Variants in KIF13B observed in about 807,000 individuals in gnomAD.
KIF13B encodes kinesin-like protein KIF13B.
Under a neutral mutation model 222.0 loss-of-function variants are expected in KIF13B, and 127 were observed. The ratio of observed to expected loss-of-function variants is 0.57; its 90% CI spans 0.50 to 0.66. The LOEUF is 0.66. KIF13B is among the 30% of genes least tolerant of loss of function. KIF13B has a pLI of 0.00. For synonymous variants in KIF13B, 976 were observed against 919.0 expected, an observed-to-expected ratio of 1.06 and a Z score of -1.12; for missense variants, 2,173 against 2,379.0, an observed-to-expected ratio of 0.91 and a Z score of 1.80.
intron 1 of KIF13B, among the ~76,000 whole-genome samples, chr8:29,248,993 G>A (rs548975593): frequency 1.3e-5 from 2 of 152,192 alleles, no homozygotes; most frequent in Non-Finnish European, 1.5e-5. Flanking sequence ...TGGTTGAATT[G>A]TATGGGGCAT....
rs1813156463 is a variant in KIF13B, at chr8:29,191,006, T to C, written c.214A>G (p.Lys72Glu). The C allele has an allele frequency of 6.2e-7, 1 of 1,612,506 alleles. No individual in the cohort carries two copies. Among genetic ancestry groups the C allele is most frequent in the Admixed American group, 1.7e-5 (1 of 59,968 alleles). Reference protein sequence around the residue: ...FWSMDESVKEKYAGQDIVFKC... With the variant: ...FWSMDESVKEEYAGQDIVFKC... ...TGCTGGATTCTATTACCTGCATACT[T>C]TTCTTTGACAGATTCATCCATAGAC... Residue 72 changes from lysine (K) to glutamate (E), a missense_variant, in exon 4 of 40, where the codon AAG becomes GAG. Lys to Glu is a moderately conservative substitution (Grantham distance 56, BLOSUM62 1). This residue lies in a region of KIF13B where 1,480 missense variants were observed against 1,722.8 expected (regional missense o/e 0.86). Coordinates refer to ENST00000524189, the MANE Select transcript of KIF13B (RefSeq NM_015254.4).
At chr8:29,171,166 CTACCA>C (rs1812220212) in intron 10 of KIF13B, among the ~76,000 whole-genome samples, 1 of 152,182 alleles carries the variant, frequency 6.6e-6, no homozygotes, top group Admixed American at 6.5e-5. Context: ...TGAGCACTCA[CTACCA>C]GAAGTTACTT....
chr8:29,128,357 C>T (rs1406702561), intron 24 of KIF13B, among the ~76,000 whole-genome samples: 1 of 152,178 alleles, frequency 6.6e-6, no homozygotes, highest in East Asian at 1.9e-4. Context: ...GTCAATTACT[C>T]TTGCCCTCTT....
chr8:29,171,271 G>A (rs1812224147), intron 10 of KIF13B, among the ~76,000 whole-genome samples: 1 of 152,212 alleles, frequency 6.6e-6, no homozygotes, highest in Non-Finnish European at 1.5e-5. Flanking sequence ...CTCAGCGAAT[G>A]CGTAACCCTC....
chr8:29,136,795 G>GTATTTTT (rs1554603666), intron 21 of KIF13B, among the ~76,000 whole-genome samples: 1 of 116,840 alleles, frequency 8.6e-6, no homozygotes, highest in Non-Finnish European at 1.8e-5. Flanking sequence ...CCTGTAACAG[G>GTATTTTT]TTTTTTTTTT....
At chr8:29,241,503 G>A (rs952526854) in intron 2 of KIF13B, among the ~76,000 whole-genome samples, 1 of 152,184 alleles carries the variant, frequency 6.6e-6, no homozygotes, top group Admixed American at 6.5e-5. Flanking sequence ...ACTCTTGGGG[G>A]ATTCCCCAGA....
At chr8:29,240,579 C>T (rs938612925) in intron 2 of KIF13B, among the ~76,000 whole-genome samples, 4 of 152,148 alleles carry the variant, frequency 2.6e-5, no homozygotes, top group Non-Finnish European at 5.9e-5. Context: ...TAATTTTGCT[C>T]AAATTTTTCA....
chr8:29,231,059 T>C (rs1815263648), intron 2 of KIF13B, among the ~76,000 whole-genome samples: 1 of 152,070 alleles, frequency 6.6e-6, no homozygotes, highest in South Asian at 2.1e-4. Context: ...TTTTTTATTT[T>C]TGTAGAGACA....
rs759220461 is a variant in KIF13B, at chr8:29,177,495, G to T, written c.804C>A (p.Asp268Glu). 2 of 1,613,212 alleles carry T rather than the reference G, an allele frequency of 1.2e-6. No individual in the cohort carries two copies. The highest frequency in any genetic ancestry group is 2.2e-5 in the South Asian group (2 of 91,074). Residue 268 changes from aspartate to glutamate, a missense_variant, in exon 9 of 40, where the codon GAC becomes GAA. Asp to Glu is a conservative substitution (Grantham distance 45, BLOSUM62 2). This residue lies in a region of KIF13B where 1,480 missense variants were observed against 1,722.8 expected (regional missense o/e 0.86). Coordinates refer to ENST00000524189, the MANE Select transcript of KIF13B (RefSeq NM_015254.4). ...TAATGTTGCTCCCTTCCTTCAGCCT[G>T]TCCCCTGCAGCGCCTGTCTTCGTTG... is the stretch of plus-strand genomic sequence containing the variant. Reference protein sequence around the residue: ...ERATKTGAAGDRLKEGSNINK... With the variant: ...ERATKTGAAGERLKEGSNINK...
At chr8:29,199,088 TA>T (rs1318953828) in intron 2 of KIF13B, among the ~76,000 whole-genome samples, 10 of 151,838 alleles carry the variant, frequency 6.6e-5, no homozygotes, top group Non-Finnish European at 1.2e-4. Flanking sequence ...TAAAATTTTT[TA>T]AAAAATAGAA....
rs910506434 is a variant in KIF13B at position 29,226,414 on chromosome 8, G to A, written c.149+18932C>T. Among the ~76,000 whole-genome samples the A allele has an allele frequency of 3.3e-5, 5 of 152,138 alleles. 1 individual carries two copies. The South Asian group carries it at 8.3e-4, about 25-fold the overall frequency. Reference sequence around the variant, plus strand: ...CTGGTCCAAAAGCTTTTTACTGGGCGGGTTCAGATTCAGCTTCTGGCCTTG... The same window carrying A: ...CTGGTCCAAAAGCTTTTTACTGGGCAGGTTCAGATTCAGCTTCTGGCCTTG... On this transcript the variant is annotated intron_variant, in intron 2 of 39. Coordinates refer to ENST00000524189, the MANE Select transcript of KIF13B (RefSeq NM_015254.4).
At chr8:29,189,969 T>C (rs1414915579) in intron 4 of KIF13B, 1 of 152,266 alleles carries the variant, frequency 6.6e-6, no homozygotes, top group Non-Finnish European at 1.5e-5. Context: ...TTGTCTGTAC[T>C]TTCTACAGTT....
intron 8 of KIF13B, 50 bp downstream of exon 8, chr8:29,180,054 C>G: frequency 6.2e-7 from 1 of 1,601,670 alleles, no homozygotes; most frequent in South Asian, 1.1e-5. Context: ...AAAATAAAAC[C>G]ACAATCCACT....
In KIF13B at chr8:29,071,678, C is replaced by T. The variant is rs1328493196; in HGVS notation, c.5160G>A (p.Val1720=). 6.4e-7 allele frequency: 1 copy of T among 1,554,464 alleles called. No individual in the cohort carries two copies. The highest frequency in any genetic ancestry group is 1.2e-5 in the South Asian group (1 of 84,232). Residue 1720 remains valine (V), a synonymous_variant, in exon 39 of 40, where the codon GTG becomes GTA. Coordinates refer to ENST00000524189, the MANE Select transcript of KIF13B (RefSeq NM_015254.4). This position sits in a 1 kb window ranked among gnomAD's most constrained non-coding sequence, Gnocchi z 4.9. Reference sequence around the variant, plus strand: ...TGCCCTCTTGGAAGTCGGCAGGCCCCACGTATCTCACCACGCCCGTTTTGT... The same window carrying T: ...TGCCCTCTTGGAAGTCGGCAGGCCCTACGTATCTCACCACGCCCGTTTTGT... ...GAHKTGVVRY[V]GPADFQEGTW... is the part of the protein sequence containing the mutation.
intron 2 of KIF13B, among the ~76,000 whole-genome samples, chr8:29,208,295 T>C (rs904570125): frequency 1.3e-5 from 2 of 152,238 alleles, no homozygotes; most frequent in African/African-American, 2.4e-5. Flanking sequence ...CATATGTGCA[T>C]ATTAATTTAT....
intron 37 of KIF13B, among the ~76,000 whole-genome samples, chr8:29,085,849 CA>C (rs752162185): frequency 0.14 from 9,528 of 67,320 alleles, 408 homozygotes; most frequent in East Asian, 0.32. Flanking sequence ...GAGCCCGTAA[CA>C]AAAAAAAAAA....
chr8:29,250,981 T>A (rs1050321808), intron 1 of KIF13B, among the ~76,000 whole-genome samples: 5 of 151,992 alleles, frequency 3.3e-5, no homozygotes, highest in Admixed American at 6.6e-5. Context: ...TGAAACCCCA[T>A]CTCTACAAAA....
intron 2 of KIF13B, among the ~76,000 whole-genome samples, chr8:29,224,488 G>C (rs1462024889): frequency 6.6e-6 from 1 of 152,180 alleles, no homozygotes; most frequent in Non-Finnish European, 1.5e-5. Context: ...AAAGATATTT[G>C]TAACAATGAG....
At chr8:29,167,282 C>T in intron 11 of KIF13B, 91 bp downstream of exon 11, 3 of 1,028,154 alleles carry the variant, frequency 2.9e-6, no homozygotes, top group Non-Finnish European at 4.4e-6. Context: ...AAGTAGAGTA[C>T]TCATCCCTCA....
Sources: allele counts gnomAD v4.1 joint callset (sites outside exome capture counted in the v4.1 genomes callset), GRCh38; gene constraint gnomAD v4.1.1; regional missense constraint gnomAD v4.1.1; non-coding constraint Gnocchi (gnomAD v3.1); transcripts MANE v1.5; gene names NCBI Gene and HGNC (gene_info 2026-07-23, HGNC 2026-07-21).